Variants in FAM186B observed in about 807,000 individuals in gnomAD.
FAM186B encodes the protein protein FAM186B.
A neutral mutation model predicts 83.4 loss-of-function variants in FAM186B; 68 were observed. That is an observed-to-expected ratio of 0.81 (90% CI 0.67 to 1.00). The LOEUF is 1.00. Ranked by LOEUF, FAM186B falls within the 50% of genes least tolerant of loss-of-function variation. The probability of loss-of-function intolerance (pLI) is 0.00; values close to 1 mark genes in which losing one functional copy is unlikely to be tolerated. For synonymous variants in FAM186B, 389 were observed against 422.0 expected, an observed-to-expected ratio of 0.92 and a Z score of 0.96; for missense variants, 983 against 1,099.2, an observed-to-expected ratio of 0.89 and a Z score of 1.49.
In FAM186B at chr12:49,600,019, G is replaced by T; in HGVS notation, c.1621C>A (p.Gln541Lys). 6.2e-7 allele frequency: 1 copy of T among 1,609,444 alleles called. No individual in the cohort carries two copies. Among genetic ancestry groups the T allele is most frequent in the Non-Finnish European group, 8.5e-7 (1 of 1,177,954 alleles). ...TCTGGCTCTCTCCGTGGGCTCTCCT[G>T]CTCCTTTTCTAGCTGGACCCATCTC... ...QRRWVQLEKE[Q>K]ESPRREPEQL... is the part of the protein sequence containing the mutation. The change falls in exon 4 of 7, where the codon CAG becomes AAG. Residue 541 changes from glutamine to lysine, a missense_variant. Physicochemically the swap from Gln to Lys is moderately conservative, Grantham distance 53. Transcript: ENST00000257894. This position sits in a 1 kb window ranked among gnomAD's most constrained non-coding sequence, Gnocchi z 4.3.
intron 5 of FAM186B, among the ~76,000 whole-genome samples, chr12:49,596,800 G>T (rs1034458373): frequency 6.6e-6 from 1 of 152,086 alleles, no homozygotes; most frequent in Non-Finnish European, 1.5e-5. Flanking sequence ...GAACAGAATC[G>T]CCACCTTGAA....
chr12:49,608,696 C>T (rs1026669517), upstream of FAM186B, among the ~76,000 whole-genome samples: 1 of 151,680 alleles, frequency 6.6e-6, no homozygotes, highest in East Asian at 1.9e-4. Flanking sequence ...AAACAGCCCC[C>T]GTGATGGCAT....
Position 49,599,612 on chromosome 12 carries a change from C to T in FAM186B, c.2028G>A (p.Leu676=), listed in dbSNP as rs756266654. 1.9e-6 allele frequency: 3 copies of T among 1,611,126 alleles called. No homozygotes were observed. Among genetic ancestry groups the T allele is most frequent in the South Asian group, 2.2e-5 (2 of 90,634 alleles). ...MEAQRKNLQL[L]SEESELRLPH... is the part of the protein sequence containing the mutation. ...GCAGCCTCAACTCAGACTCCTCACT[C>T]AGGAGCTGCAGGTTCTTCCTCTGGG... The change falls in exon 4 of 7, where the codon CTG becomes CTA. Residue 676 remains leucine (L), a synonymous_variant. Coordinates refer to ENST00000257894, the MANE Select transcript of FAM186B (RefSeq NM_032130.3).
In FAM186B at chr12:49,600,889, G is replaced by A; in HGVS notation, c.751C>T (p.His251Tyr). ...ENLNKALILQ[H>Y]KENRSLETKY... ...GTCTCCAGGCTCCTGTTCTCCTTGT[G>A]TTGGAGGATCAAGGCCTTGTTGAGG... Residue 251 changes from histidine (H) to tyrosine (Y), a missense_variant, in exon 4 of 7, where the codon CAC becomes TAC. Coordinates refer to ENST00000257894, the MANE Select transcript of FAM186B (RefSeq NM_032130.3). This position sits in a 1 kb window ranked among gnomAD's most constrained non-coding sequence, Gnocchi z 4.3. 1.2e-6 allele frequency: 2 copies of A among 1,614,192 alleles called. No individual in the cohort carries two copies. Among genetic ancestry groups the A allele is most frequent in the Non-Finnish European group, 8.5e-7 (1 of 1,180,020 alleles).
downstream of FAM186B, chr12:49,584,350 C>T (rs1939396007): frequency 1.7e-6 from 1 of 598,934 alleles, no homozygotes; most frequent in African/African-American, 1.8e-5. Context: ...CAGTGTTTCT[C>T]AAAGTTCTAG....
At position 49,600,650 on chromosome 12, in the gene FAM186B, G is replaced by T; in HGVS notation, c.990C>A (p.Asp330Glu). ...KAQNATGQAE[D>E]LAEVSVDSPG... Reference sequence around the variant, plus strand: ...GGGAGTCAACAGAAACCTCAGCCAGGTCTTCTGCCTGACCTGTAGCATTCT... The same window carrying T: ...GGGAGTCAACAGAAACCTCAGCCAGTTCTTCTGCCTGACCTGTAGCATTCT... Residue 330 changes from aspartate to glutamate, a missense_variant, in exon 4 of 7, where the codon GAC (aspartate) becomes GAA (glutamate). Transcript: ENST00000257894. This position sits in a 1 kb window ranked among gnomAD's most constrained non-coding sequence, Gnocchi z 4.3. 2 of 1,613,956 alleles carry T rather than the reference G, an allele frequency of 1.2e-6. No individual in the cohort carries two copies. The highest frequency in any genetic ancestry group is 1.7e-6 in the Non-Finnish European group (2 of 1,179,930).
chr12:49,619,586 C>A, the FAM186B span: 7 of 636,358 alleles, frequency 1.1e-5, no homozygotes, highest in South Asian at 4.6e-5. Context: ...TTCCATGTAT[C>A]GGGAATTCTG....
At chr12:49,614,824 T>C in the FAM186B span, among the ~76,000 whole-genome samples, 1 of 151,698 alleles carries the variant, frequency 6.6e-6, no homozygotes, top group African/African-American at 2.4e-5. Context: ...GGAAGCGGGG[T>C]GAGTGATAAA....
At chr12:49,611,750 T>G in the FAM186B span, among the ~76,000 whole-genome samples, 1 of 139,728 alleles carries the variant, frequency 7.2e-6, no homozygotes, top group South Asian at 2.4e-4. Flanking sequence ...TCCCAGCTAC[T>G]TGGGAGGCTG....
chr12:49,614,630 G>C, the FAM186B span, among the ~76,000 whole-genome samples: 1 of 152,166 alleles, frequency 6.6e-6, no homozygotes, highest in Non-Finnish European at 1.5e-5. Flanking sequence ...ATTGGGCACT[G>C]TGCTCAATAT....
chr12:49,607,039 G>C (rs1283926827), upstream of FAM186B, among the ~76,000 whole-genome samples: 1 of 152,020 alleles, frequency 6.6e-6, no homozygotes, highest in African/African-American at 2.4e-5. Context: ...AGTCAAAAAA[G>C]AAATCACAGG....
downstream of FAM186B, chr12:49,584,707 C>A: frequency 1.4e-6 from 1 of 690,302 alleles, no homozygotes; most frequent in South Asian, 1.5e-5. Context: ...CTTCCCAGAG[C>A]CAAGTCCAGA....
intron 5 of FAM186B, among the ~76,000 whole-genome samples, chr12:49,590,425 T>A (rs948054440): frequency 5.9e-5 from 9 of 152,174 alleles, no homozygotes; most frequent in Non-Finnish European, 1.2e-4. Flanking sequence ...TTTTTATTAT[T>A]TTTGGCAGGT....
chr12:49,617,621 T>G, the FAM186B span, among the ~76,000 whole-genome samples: 12 of 152,330 alleles, frequency 7.9e-5, no homozygotes, highest in Non-Finnish European at 1.5e-4. Flanking sequence ...ATAAAGTCAT[T>G]TAATGTCAAC....
In FAM186B at chr12:49,604,548, A is replaced by G. The variant is rs1939970770; in HGVS notation, c.97-10T>C. 6.2e-7 allele frequency: 1 copy of G among 1,611,966 alleles called. No individual in the cohort carries two copies. Among genetic ancestry groups the G allele is most frequent in the African/African-American group, 1.3e-5 (1 of 74,894 alleles). On this transcript the variant is annotated splice_polypyrimidine_tract_variant and intron_variant, in intron 1 of 6. Coordinates refer to ENST00000257894, the MANE Select transcript of FAM186B (RefSeq NM_032130.3). Reference sequence around the variant, plus strand: ...GCTGGGTAGAAATATCCTATAGAGAAGCAGCAGATTGTAGTGTTAGGGCTG... The same window carrying G: ...GCTGGGTAGAAATATCCTATAGAGAGGCAGCAGATTGTAGTGTTAGGGCTG...
chr12:49,584,933 T>C (rs1310303437), downstream of FAM186B, among the ~76,000 whole-genome samples: 1 of 152,030 alleles, frequency 6.6e-6, no homozygotes, highest in Admixed American at 6.6e-5. Flanking sequence ...TTGTAAGCCC[T>C]CCTGTCGTCT....
intron 5 of FAM186B, among the ~76,000 whole-genome samples, chr12:49,590,168 CA>C (rs1318163353): frequency 6.6e-6 from 1 of 150,830 alleles, no homozygotes; most frequent in East Asian, 1.9e-4. Context: ...AGTATATAGA[CA>C]ATTAGTGGTA....
chr12:49,605,581 T>C lies in FAM186B; in HGVS notation c.-104A>G. ...AGGTTAAGGGCACCAGGGTGTCTCC[T>C]GGGTACCCTCTGCCCAGGCACAGCT... On this transcript the variant is annotated 5_prime_UTR_variant, in exon 1 of 7. Transcript: ENST00000257894. 5 of 1,278,878 alleles carry C rather than the reference T, an allele frequency of 3.9e-6. No homozygotes were observed. Among genetic ancestry groups the C allele is most frequent in the Non-Finnish European group, 5.4e-6 (5 of 929,764 alleles). The allele number at this position is 1,278,878 out of a possible 1,614,324, so 79.2% of individuals were successfully genotyped here.
chr12:49,604,172 C>T, intron 2 of FAM186B, 141 bp downstream of exon 2: 1 of 658,924 alleles, frequency 1.5e-6, no homozygotes, highest in Non-Finnish European at 2.6e-6. Context: ...GTGTCTGCCC[C>T]TCAGGAGCAT....
Sources: allele counts gnomAD v4.1 joint callset (sites outside exome capture counted in the v4.1 genomes callset), GRCh38; gene constraint gnomAD v4.1.1; non-coding constraint Gnocchi (gnomAD v3.1); transcripts MANE v1.5; gene names NCBI Gene and HGNC (gene_info 2026-07-23, HGNC 2026-07-21).